The following MYO10 variants were observed in gnomAD, a reference collection of about 807,000 sequenced individuals.
MYO10 encodes myosin X.
MYO10 carries 133 observed loss-of-function variants against 257.3 expected under a neutral mutation model. The ratio of observed to expected loss-of-function variants is 0.52; its 90% confidence interval spans 0.45 to 0.60. The LOEUF is 0.60. MYO10 is among the 20% of genes least tolerant of loss of function. MYO10 has a pLI of 0.00. For synonymous variants in MYO10, 1,104 were observed against 1,028.6 expected (o/e 1.07, Z -1.40); for missense variants, 2,399 against 2,635.7 (o/e 0.91, Z 1.97).
intron 2 of MYO10, among the ~76,000 whole-genome samples, chr5:16,846,264 A>C (rs935761923): frequency 2.0e-5 from 3 of 152,234 alleles, no homozygotes; most frequent in African/African-American, 7.2e-5. Flanking sequence ...CATGAGACTA[A>C]ACAGGATTTG....
chr5:16,919,139 G>A (rs558737942), intron 1 of MYO10, among the ~76,000 whole-genome samples: 132 of 152,226 alleles, frequency 8.7e-4, no homozygotes, highest in African/African-American at 3.0e-3. Context: ...CACTTTGAGA[G>A]GCCAAGGCAG....
intron 1 of MYO10, among the ~76,000 whole-genome samples, chr5:16,918,867 T>C (rs763350523): frequency 1.2e-4 from 18 of 152,306 alleles, no homozygotes; most frequent in South Asian, 6.2e-4. Flanking sequence ...TCACTCGGGA[T>C]GAGTGTGCAG....
intron 3 of MYO10, among the ~76,000 whole-genome samples, chr5:16,805,571 G>A (rs559805908): frequency 1.6e-4 from 25 of 151,778 alleles, no homozygotes; most frequent in South Asian, 1.0e-3. Flanking sequence ...TATTGTTACC[G>A]CTCCACAAAC....
chr5:16,903,202 G>C (rs567841407), intron 1 of MYO10, among the ~76,000 whole-genome samples: 87 of 152,308 alleles, frequency 5.7e-4, no homozygotes, highest in Non-Finnish European at 8.8e-4. Flanking sequence ...GTCAGGAGTT[G>C]AAGACCAGCC....
intron 1 of MYO10, among the ~76,000 whole-genome samples, chr5:16,887,050 C>T (rs1276759586): frequency 2.6e-5 from 4 of 152,036 alleles, no homozygotes; most frequent in African/African-American, 9.7e-5. Flanking sequence ...TAAACTGAGG[C>T]CTGCCTGTGC....
chr5:16,794,882 C>G, intron 3 of MYO10, 49 bp from the exon 4 acceptor site: 1 of 1,333,922 alleles, frequency 7.5e-7, no homozygotes, highest in South Asian at 1.9e-5. Flanking sequence ...ACCCAGGCCA[C>G]TGGATGAGCT....
At chr5:16,837,424 A>G (rs1042870531) in intron 2 of MYO10, among the ~76,000 whole-genome samples, 1 of 152,214 alleles carries the variant, frequency 6.6e-6, no homozygotes, top group Non-Finnish European at 1.5e-5. Flanking sequence ...CAGAATAAGC[A>G]AATTCATAGA....
chr5:16,753,087 T>G lies in MYO10; in HGVS notation c.1929+1741A>C, dbSNP rs1406109146. ...TAAGGTAACAAACTGAACAGGTTAT[T>G]TTCTCTTAAAGAGATGTCCAATTTT... On this transcript the variant is annotated intron_variant, in intron 19 of 40. Transcript: ENST00000513610. Among the ~76,000 whole-genome samples, 4 of 152,216 alleles carry G rather than the reference T, an allele frequency of 2.6e-5. No homozygotes were observed. The East Asian group carries it at 7.7e-4, about 29-fold the overall frequency.
chr5:16,760,937 C>T (rs955221191), intron 17 of MYO10, among the ~76,000 whole-genome samples: 1 of 151,680 alleles, frequency 6.6e-6, no homozygotes, highest in African/African-American at 2.4e-5. Context: ...TATTTCAGTA[C>T]CTCACTAAAT....
In MYO10 at chr5:16,698,236, G is replaced by A. The variant is rs188830103; in HGVS notation, c.3556+1214C>T. On this transcript the variant is annotated intron_variant, in intron 26 of 40. Coordinates refer to ENST00000513610, the MANE Select transcript of MYO10 (RefSeq NM_012334.3). ...AAATTAGCCTGGCATGATGGTGTGC[G>A]CCTGCAGTCCTAGCTCCTATGAAGG... Among the ~76,000 whole-genome samples the A allele has an allele frequency of 7.2e-5, 11 of 152,204 alleles. No individual in the cohort carries two copies. The East Asian group carries it at 1.4e-3, about 19-fold the overall frequency.
rs537148476 is a variant in MYO10, at chr5:16,701,127, C to T, written c.3268G>A (p.Asp1090Asn). Residue 1090 changes from aspartate (D) to asparagine (N), a missense_variant, in exon 25 of 41, where the codon GAC becomes AAC. Physicochemically the swap from Asp to Asn is conservative, Grantham distance 23 (BLOSUM62 1). Coordinates refer to ENST00000513610, the MANE Select transcript of MYO10 (RefSeq NM_012334.3). The surrounding 1 kb of genome is among the most constrained non-coding windows in gnomAD (Gnocchi z 8.1). ...TCCTCATAGTCATCCTGGTCGTAGTCGTAGTCGCCGTCTGGGGAGGGCAAG... is the reference window on the plus strand; with the variant it reads ...TCCTCATAGTCATCCTGGTCGTAGTTGTAGTCGCCGTCTGGGGAGGGCAAG... Reference protein sequence around the residue: ...GDLPSPDGDYDYDQDDYEDGA... With the variant: ...GDLPSPDGDYNYDQDDYEDGA... The T allele has an allele frequency of 1.7e-5, 27 of 1,595,924 alleles. No individual in the cohort carries two copies. The highest frequency in any genetic ancestry group is 7.0e-5 in the Admixed American group (4 of 56,822).
intron 19 of MYO10, among the ~76,000 whole-genome samples, chr5:16,731,412 C>T (rs1177744136): frequency 2.0e-5 from 3 of 151,284 alleles, no homozygotes; most frequent in African/African-American, 7.3e-5. Context: ...CATGAGATCT[C>T]GGCTCACTGC....
At chr5:16,746,856 T>C (rs1306183547) in intron 19 of MYO10, among the ~76,000 whole-genome samples, 4 of 152,198 alleles carry the variant, frequency 2.6e-5, no homozygotes, top group African/African-American at 9.6e-5. Context: ...CTGTGAAACA[T>C]GGCAATAAAT....
intron 12 of MYO10, 92 bp downstream of exon 12, chr5:16,764,147 AAAAAAAAAAAG>A (rs1205139705): frequency 8.4e-4 from 6 of 7,104 alleles, no homozygotes; most frequent in African/African-American, 2.2e-3. Context: ...ACTCCTTCTC[AAAAAAAAAAAG>A]AAAAAAAAAG....
intron 32 of MYO10, 54 bp downstream of exon 32, chr5:16,681,255 C>G: frequency 2.0e-6 from 3 of 1,529,994 alleles, no homozygotes; most frequent in Non-Finnish European, 2.6e-6. Context: ...TTGCCCGGAG[C>G]AAGCCCAGAC....
intron 2 of MYO10, among the ~76,000 whole-genome samples, chr5:16,839,831 T>C (rs1346870117): frequency 1.3e-5 from 2 of 152,174 alleles, no homozygotes; most frequent in African/African-American, 4.8e-5. Context: ...TGAGGATGTT[T>C]AAGGTAGGCT....
At chr5:16,895,205 T>A (rs1745182926) in intron 1 of MYO10, among the ~76,000 whole-genome samples, 1 of 152,248 alleles carries the variant, frequency 6.6e-6, no homozygotes, top group Non-Finnish European at 1.5e-5. Context: ...TCTTTCTCAG[T>A]TTGAAAGGCC....
At chr5:16,844,946 A>G (rs866324376) in intron 2 of MYO10, among the ~76,000 whole-genome samples, 1 of 131,374 alleles carries the variant, frequency 7.6e-6, no homozygotes, top group Admixed American at 7.4e-5. Flanking sequence ...ATACACACAC[A>G]CACACACGCA....
At chr5:16,863,061 T>TC (rs1744150852) in intron 2 of MYO10, among the ~76,000 whole-genome samples, 1 of 151,996 alleles carries the variant, frequency 6.6e-6, no homozygotes. Flanking sequence ...AGAGGTGTAG[T>TC]CTACAGACCC....
Sources: gnomAD v4.1 joint callset for allele counts (sites outside exome capture counted in the v4.1 genomes callset) on GRCh38, gnomAD v4.1.1 for gene constraint, Gnocchi (gnomAD v3.1) non-coding constraint, MANE v1.5 for transcripts, NCBI Gene and HGNC (gene_info 2026-07-23, HGNC 2026-07-21) for gene names.